The following GSE1 variants were observed in gnomAD, a reference collection of about 807,000 sequenced individuals.
The protein encoded by GSE1 is Gse1 coiled-coil protein.
In GSE1, 32 loss-of-function variants were observed where a neutral mutation model predicts 112.6. That is an observed-to-expected ratio of 0.28 (90% CI 0.21 to 0.38). GSE1 has a LOEUF of 0.38. GSE1 is among the 10% of genes least tolerant of loss of function. GSE1 has a pLI of 1.00. For missense variants in GSE1, 2,348 were observed against 1,699.2 expected, an observed-to-expected ratio of 1.38 and a Z score of -6.71; for synonymous variants, 1,115 against 735.6, an observed-to-expected ratio of 1.52 and a Z score of -8.35.
At chr16:85,208,434 C>G (rs1164758284) in intron 1 of GSE1, among the ~76,000 whole-genome samples, 1 of 152,198 alleles carries the variant, frequency 6.6e-6, no homozygotes, top group Non-Finnish European at 1.5e-5. Flanking sequence ...CAGCCACGCC[C>G]TGGACCAGGC....
chr16:85,613,163 G>T, upstream of GSE1: 1 of 1,372,014 alleles, frequency 7.3e-7, no homozygotes, highest in Non-Finnish European at 9.5e-7. Flanking sequence ...TGAGGTCAGG[G>T]AGCCGGGAGC....
chr16:85,649,718 C>T lies in GSE1; in HGVS notation c.426+967C>T, dbSNP rs536359788. Among the ~76,000 whole-genome samples the T allele has an allele frequency of 3.3e-5, 5 of 152,336 alleles. No individual in the cohort carries two copies. In the East Asian group the frequency reaches 9.6e-4, roughly 29 times the overall value. On this transcript the variant is annotated intron_variant, in intron 3 of 15. Transcript: ENST00000253458. ...AGGGGCTGCTGTCACCTGGACTTTT[C>T]TGCTGAGTTCCCAGAGGGACAGCCC... is the stretch of plus-strand genomic sequence containing the variant.
chr16:85,588,019 C>T (rs2046788556), intron 1 of GSE1, among the ~76,000 whole-genome samples: 1 of 152,224 alleles, frequency 6.6e-6, no homozygotes, highest in East Asian at 1.9e-4. Context: ...TCCCCCGCCT[C>T]TCTACAGGGG....
At chr16:85,443,472 G>A (rs1012724447) in intron 2 of GSE1, among the ~76,000 whole-genome samples, 1 of 152,262 alleles carries the variant, frequency 6.6e-6, no homozygotes, top group Non-Finnish European at 1.5e-5. Flanking sequence ...CTGAGATCCA[G>A]TGAGGAAATG....
chr16:85,580,863 A>G (rs976625147), intron 1 of GSE1, among the ~76,000 whole-genome samples: 6 of 152,258 alleles, frequency 3.9e-5, no homozygotes, highest in Admixed American at 6.5e-5. Flanking sequence ...GGAGCCCTCC[A>G]CGGAAATCAA....
intron 2 of GSE1, among the ~76,000 whole-genome samples, chr16:85,482,350 A>T (rs1312402002): frequency 6.6e-6 from 1 of 152,164 alleles, no homozygotes; most frequent in African/African-American, 2.4e-5. Context: ...TGGGTGCTTC[A>T]AGCTGCCCTG....
In GSE1 at chr16:85,666,189, A is replaced by G. The variant is rs1271357804; in HGVS notation, c.2972A>G (p.Tyr991Cys). 3.1e-6 allele frequency: 5 copies of G among 1,613,474 alleles called. No individual in the cohort carries two copies. In the East Asian group the frequency reaches 8.9e-5, roughly 29 times the overall value. Reference protein sequence around the residue: ...GGKKSLSMLHYIRGAAPKDIP... With the variant: ...GGKKSLSMLHCIRGAAPKDIP... Reference sequence around the variant, plus strand: ...AAAAAGAGTCTGAGCATGCTTCACTATATCCGGGGCGCTGCACCCAAGGAC... The same window carrying G: ...AAAAAGAGTCTGAGCATGCTTCACTGTATCCGGGGCGCTGCACCCAAGGAC... The change falls in exon 13 of 16, where the codon TAT (tyrosine) becomes TGT (cysteine). Residue 991 changes from tyrosine to cysteine, a missense_variant. Tyr to Cys is a radical substitution (Grantham distance 194). Coordinates refer to ENST00000253458, the MANE Select transcript of GSE1 (RefSeq NM_014615.5).
intron 2 of GSE1, among the ~76,000 whole-genome samples, chr16:85,444,436 C>T (rs1286746743): frequency 6.6e-6 from 1 of 152,130 alleles, no homozygotes; most frequent in Non-Finnish European, 1.5e-5. Flanking sequence ...CCTGAGTTCG[C>T]ACTGCAGGAG....
chr16:85,462,784 C>T (rs1333540596), intron 2 of GSE1, among the ~76,000 whole-genome samples: 1 of 124,062 alleles, frequency 8.1e-6, no homozygotes, highest in Non-Finnish European at 1.7e-5. Context: ...GCCGCCACGG[C>T]TGGCGGTGCG....
chr16:85,514,468 T>C (rs563366267), intron 2 of GSE1, among the ~76,000 whole-genome samples: 1 of 131,044 alleles, frequency 7.6e-6, no homozygotes, highest in East Asian at 2.6e-4. Context: ...CATCCTTGGC[T>C]CTGGAGGAGG....
At chr16:85,621,234 A>G (rs545880093) in intron 1 of GSE1, among the ~76,000 whole-genome samples, 1 of 151,510 alleles carries the variant, frequency 6.6e-6, no homozygotes, top group East Asian at 2.0e-4. Flanking sequence ...GTGTTGGGGA[A>G]CCCGTTTAGA....
intron 1 of GSE1, among the ~76,000 whole-genome samples, chr16:85,182,794 T>C (rs9932595): frequency 0.19 from 29,520 of 151,964 alleles, 3,653 homozygotes; most frequent in African/African-American, 0.34. Context: ...GACGGCTGCA[T>C]GAGATGGGAG....
intron 1 of GSE1, among the ~76,000 whole-genome samples, chr16:85,309,472 C>T (rs12445952): frequency 0.26 from 40,150 of 151,738 alleles, 6,285 homozygotes; most frequent in Admixed American, 0.37. Context: ...CTAGCCTGGG[C>T]GACAGAGCCA....
intron 3 of GSE1, among the ~76,000 whole-genome samples, chr16:85,650,646 C>T (rs148093013): frequency 0.013 from 2,028 of 152,334 alleles, 44 homozygotes; most frequent in African/African-American, 0.047. Context: ...CAGTGTACCA[C>T]CGCGGCGCTT....
At chr16:85,501,093 C>T (rs148011230) in intron 2 of GSE1, among the ~76,000 whole-genome samples, 2,043 of 150,160 alleles carry the variant, frequency 0.014, 42 homozygotes, top group African/African-American at 0.048. Context: ...CTCCGCCTCC[C>T]GGGTGCACAC....
intron 1 of GSE1, among the ~76,000 whole-genome samples, chr16:85,626,959 C>T (rs867420121): frequency 2.7e-5 from 4 of 147,090 alleles, no homozygotes; most frequent in Admixed American, 6.8e-5. Context: ...GAACTAAGAA[C>T]GAGATGGGTT....
At chr16:85,617,455 G>A (rs1310989080) in intron 1 of GSE1, among the ~76,000 whole-genome samples, 1 of 152,160 alleles carries the variant, frequency 6.6e-6, no homozygotes, top group African/African-American at 2.4e-5. Flanking sequence ...GAAGTGGGGA[G>A]CCTCCAGCTC....
chr16:85,539,620 C>G (rs1163477913), intron 2 of GSE1, among the ~76,000 whole-genome samples: 2 of 152,208 alleles, frequency 1.3e-5, no homozygotes, highest in African/African-American at 2.4e-5. Context: ...TTTTTCTCCA[C>G]TGTTGGAGGC....
At chr16:85,494,452 C>CCT (rs1214921988) in intron 2 of GSE1, among the ~76,000 whole-genome samples, 2 of 109,402 alleles carry the variant, frequency 1.8e-5, no homozygotes, top group African/African-American at 4.5e-5. Flanking sequence ...AATAAGGTCA[C>CCT]CTTTTTTTTT....
Sources: allele counts gnomAD v4.1 joint callset (sites outside exome capture counted in the v4.1 genomes callset), GRCh38; gene constraint gnomAD v4.1.1; transcripts MANE v1.5; gene names NCBI Gene and HGNC (gene_info 2026-07-23, HGNC 2026-07-21).